ABCB7: variants seen among roughly 807,000 people sequenced by gnomAD.
ABCB7 encodes the protein ATP binding cassette subfamily B member 7.
A neutral mutation model predicts 54.4 loss-of-function variants in ABCB7; 7 were observed. That is an observed-to-expected ratio of 0.13 (90% CI 0.07 to 0.24). The LOEUF (loss-of-function observed/expected upper bound fraction) is 0.24, where lower values mean the gene tolerates loss of function less well. Ranked by LOEUF, ABCB7 falls within the 10% of genes least tolerant of loss-of-function variation. ABCB7 has a pLI of 1.00. For synonymous variants in ABCB7, 218 were observed against 207.1 expected (o/e 1.05, Z -0.45); for missense variants, 356 against 570.4 (o/e 0.62, Z 3.83).
chrX:75,066,001 AGGTTT>A (rs1290711456), intron 12 of ABCB7, among the ~76,000 whole-genome samples: 1 of 111,812 alleles, frequency 8.9e-6, no homozygotes, highest in Non-Finnish European at 1.9e-5. Context: ...ATTACTAACG[AGGTTT>A]GAATATGTTT....
At chrX:75,090,592 C>T (rs1294631072) in intron 4 of ABCB7, among the ~76,000 whole-genome samples, 4 of 105,884 alleles carry the variant, frequency 3.8e-5, no homozygotes, top group African/African-American at 1.0e-4. Context: ...AAAAAAAAAG[C>T]GCAAAAAAAG....
At chrX:75,108,979 G>A (rs1227471834) in intron 3 of ABCB7, among the ~76,000 whole-genome samples, 1 of 111,774 alleles carries the variant, frequency 8.9e-6, no homozygotes, top group Non-Finnish European at 1.9e-5. Flanking sequence ...AGCTTCATGA[G>A]GCTGGACAGG....
In ABCB7 at chrX:75,053,180, T is replaced by G; in HGVS notation, c.*190A>C. ...ACCAGGACAGTGACAAGAAAATAAT[T>G]TGGGGATAAATACAGATGCCACATT... is the stretch of plus-strand genomic sequence containing the variant. On this transcript the variant is annotated 3_prime_UTR_variant, in exon 16 of 16. Transcript: ENST00000373394. The G allele has an allele frequency of 1.7e-6, 1 of 590,146 alleles. No homozygotes were observed. The highest frequency in any genetic ancestry group is 3.7e-5 in the East Asian group (1 of 27,233). 48.6% of individuals were successfully genotyped at this position (590,146 alleles called of 1,213,427 possible).
At chrX:75,119,199 C>G (rs1209219756) in intron 1 of ABCB7, among the ~76,000 whole-genome samples, 1 of 111,578 alleles carries the variant, frequency 9.0e-6, no homozygotes, top group African/African-American at 3.3e-5. Context: ...GCAAGGTGTG[C>G]AAAGATAGTG....
chrX:75,085,782 G>A (rs973271554), intron 4 of ABCB7, among the ~76,000 whole-genome samples: 5 of 110,682 alleles, frequency 4.5e-5, no homozygotes, highest in African/African-American at 1.6e-4. Context: ...GTAATCTTGT[G>A]ACAAAAGGTA....
intron 1 of ABCB7, among the ~76,000 whole-genome samples, chrX:75,131,095 CAA>C (rs1472479801): frequency 9.3e-6 from 1 of 107,779 alleles, no homozygotes; most frequent in Non-Finnish European, 1.9e-5. Context: ...TCAAAAAAAA[CAA>C]ATAACTAAGA....
chrX:75,065,212 A>G lies in ABCB7; in HGVS notation c.1689T>C (p.Tyr563=), dbSNP rs985304447. 1 of 1,206,545 alleles carries G rather than the reference A, an allele frequency of 8.3e-7. No individual in the cohort carries two copies. Among genetic ancestry groups the G allele is most frequent in the Non-Finnish European group, 1.1e-6 (1 of 892,305 alleles). The change falls in exon 13 of 16, where the codon TAT becomes TAC. Residue 563 remains tyrosine (Y), a synonymous_variant. Coordinates refer to ENST00000373394, the MANE Select transcript of ABCB7 (RefSeq NM_001271696.3). The part of the protein sequence containing the change: ...QDAVLFHNTI[Y]YNLLYGNISA... ...TGATGTTTCCATATAAGAGGTTGTA[A>G]TAAATAGTATTATGGAAGAGGACAG...
At chrX:75,136,844 T>C (rs901581447) in intron 1 of ABCB7, among the ~76,000 whole-genome samples, 5 of 112,064 alleles carry the variant, frequency 4.5e-5, no homozygotes, top group African/African-American at 1.6e-4. Context: ...ATGCAGAAGA[T>C]GAAAATGGGC....
chrX:75,069,860 TTTTATTTATTTA>T (rs58703477), intron 10 of ABCB7, among the ~76,000 whole-genome samples: 3 of 110,185 alleles, frequency 2.7e-5, no homozygotes, highest in Non-Finnish European at 5.7e-5. Context: ...CATTGTAAGA[TTTTATTTATTTA>T]TTTATTTATT....
intron 14 of ABCB7, 99 bp downstream of exon 14, chrX:75,062,229 G>C (rs2081286851): frequency 1.3e-6 from 1 of 752,997 alleles, no homozygotes; most frequent in East Asian, 3.5e-5. Flanking sequence ...ACTTACTATT[G>C]AAGTTTATTC....
intron 4 of ABCB7, 49 bp from the exon 5 acceptor site, chrX:75,076,703 TATA>T: frequency 8.8e-7 from 1 of 1,134,142 alleles, no homozygotes. Flanking sequence ...AATACTTATT[TATA>T]AAAGTACAAA....
intron 4 of ABCB7, among the ~76,000 whole-genome samples, chrX:75,089,472 T>A (rs1225713018): frequency 9.0e-6 from 1 of 110,833 alleles, no homozygotes; most frequent in Non-Finnish European, 1.9e-5. Context: ...AGTAATAGTG[T>A]CATATTAAAG....
At position 75,071,520 on chromosome X, in the gene ABCB7, C is replaced by T. The variant is rs1343337777; in HGVS notation, c.1196G>A (p.Gly399Glu). Residue 399 changes from glycine to glutamate, a missense_variant, in exon 9 of 16, where the codon GGA (glycine) becomes GAA (glutamate). Physicochemically the swap from Gly to Glu is moderately conservative, Grantham distance 98 (BLOSUM62 -2). Coordinates refer to ENST00000373394, the MANE Select transcript of ABCB7 (RefSeq NM_001271696.3). ...LTAIMVLASQ[G>E]IVAGTLTVGD... ...CACAGACTCATTACCTGCCACAATT[C>T]CCTGACTGGCGAGCACCATTATAGC... The T allele has an allele frequency of 8.3e-7, 1 of 1,209,043 alleles. No homozygotes were observed. The highest frequency in any genetic ancestry group is 1.8e-5 in the African/African-American group (1 of 56,931).
chrX:75,071,439 C>T (rs2081362610), intron 9 of ABCB7, 70 bp downstream of exon 9: 1 of 1,105,435 alleles, frequency 9.0e-7, no homozygotes, highest in Non-Finnish European at 1.3e-6. Flanking sequence ...TAAGCATGCA[C>T]ATTCCTTTCA....
chrX:75,074,130 C>T (rs1009074754), intron 6 of ABCB7, among the ~76,000 whole-genome samples, 174 bp from the exon 7 acceptor site: 6 of 111,533 alleles, frequency 5.4e-5, no homozygotes, highest in Admixed American at 9.6e-5. Context: ...CTACTTTAGG[C>T]AACAAGGGAA....
At chrX:75,130,006 C>T (rs368964532) in intron 1 of ABCB7, among the ~76,000 whole-genome samples, 9 of 111,080 alleles carry the variant, frequency 8.1e-5, no homozygotes, top group East Asian at 2.8e-4. Context: ...CTTAGAGAGG[C>T]TTATTTGTTC....
intron 3 of ABCB7, among the ~76,000 whole-genome samples, chrX:75,100,639 C>T (rs1032212202): frequency 9.0e-6 from 1 of 111,468 alleles, no homozygotes; most frequent in African/African-American, 3.3e-5. Flanking sequence ...GGTCCTTTGC[C>T]TTATTCTCGC....
At chrX:75,110,304 A>G (rs1343852053) in intron 3 of ABCB7, among the ~76,000 whole-genome samples, 3 of 112,206 alleles carry the variant, frequency 2.7e-5, no homozygotes, top group Admixed American at 9.4e-5. Flanking sequence ...TCATAAGGCT[A>G]TTTGATTATG....
At chrX:75,144,503 AGGTAG>A (rs2147574261) in intron 1 of ABCB7, among the ~76,000 whole-genome samples, 1 of 111,717 alleles carries the variant, frequency 9.0e-6, no homozygotes, top group Non-Finnish European at 1.9e-5. Context: ...CTAAATAAAT[AGGTAG>A]AAGCAAGAAA....
Sources: allele counts gnomAD v4.1 joint callset (sites outside exome capture counted in the v4.1 genomes callset), GRCh38; gene constraint gnomAD v4.1.1; transcripts MANE v1.5; gene names NCBI Gene and HGNC (gene_info 2026-07-23, HGNC 2026-07-21).